The following MMP20 variants were observed in gnomAD, a reference collection of about 807,000 sequenced individuals.
MMP20 encodes the protein matrix metallopeptidase 20.
In MMP20, 50 loss-of-function variants were observed where a neutral mutation model predicts 51.8. The observed-to-expected ratio is 0.97, with a 90% CI of 0.77 to 1.22. MMP20 has a LOEUF of 1.22. MMP20 is among the 50% of genes most tolerant of loss of function. The pLI is 0.00. For missense variants in MMP20, 663 were observed against 601.4 expected (o/e 1.10, Z -1.07); for synonymous variants, 244 against 216.2 (o/e 1.13, Z -1.13).
At chr11:102,589,979 G>C (rs554982629) in intron 8 of MMP20, among the ~76,000 whole-genome samples, 1 of 152,134 alleles carries the variant, frequency 6.6e-6, no homozygotes, top group Admixed American at 6.6e-5. Flanking sequence ...ATGATGCCCC[G>C]AGTCTGACTG....
rs181012282 is a variant in MMP20, at chr11:102,584,152, T to A, written c.1248-5010A>T. 4.6e-5 allele frequency among the ~76,000 whole-genome samples: 7 copies of A among 152,328 alleles called. No individual in the cohort carries two copies. In the East Asian group the frequency reaches 1.3e-3, roughly 29 times the overall value. ...TCTCTTGGGTATATCCTCAAGAAAG[T>A]GGAATTCTGGGTCAAATGATAATTC... On this transcript the variant is annotated intron_variant, in intron 8 of 9. Transcript: ENST00000260228.
intron 3 of MMP20, among the ~76,000 whole-genome samples, chr11:102,611,357 T>C (rs1232525052): frequency 2.6e-5 from 4 of 152,182 alleles, no homozygotes; most frequent in Non-Finnish European, 5.9e-5. Context: ...GTGGAAGGTA[T>C]TTGCTTCAGT....
intron 6 of MMP20, among the ~76,000 whole-genome samples, chr11:102,597,616 C>G (rs1859397273): frequency 6.6e-6 from 1 of 152,138 alleles, no homozygotes; most frequent in Non-Finnish European, 1.5e-5. Flanking sequence ...CAGCTCAACA[C>G]AACTAAGACT....
At chr11:102,618,195 C>T (rs1218964540) in intron 1 of MMP20, among the ~76,000 whole-genome samples, 1 of 151,880 alleles carries the variant, frequency 6.6e-6, no homozygotes, top group African/African-American at 2.4e-5. Flanking sequence ...CAGATGCAAC[C>T]GTCGATTTTT....
At position 102,609,907 on chromosome 11, in the gene MMP20, T is replaced by C. The variant is rs776229913; in HGVS notation, c.647A>G (p.Asn216Ser). The C allele has an allele frequency of 1.2e-6, 2 of 1,614,028 alleles. No individual in the cohort carries two copies. The highest frequency in any genetic ancestry group is 2.7e-5 in the African/African-American group (2 of 74,900). Reference protein sequence around the residue: ...DNAEKWTMGTNGFNLFTVAAH... With the variant: ...DNAEKWTMGTSGFNLFTVAAH... ...TATGGTGAATTGTGCATATATACCA[T>C]TCGTTCCCATAGTCCACTTCTCAGC... is the stretch of plus-strand genomic sequence containing the variant. Residue 216 changes from asparagine to serine, a missense_variant and splice_region_variant, in exon 4 of 10, where the codon AAT (asparagine) becomes AGT (serine). Asn to Ser is a conservative substitution (Grantham distance 46, BLOSUM62 1). Coordinates refer to ENST00000260228, the MANE Select transcript of MMP20 (RefSeq NM_004771.4).
At chr11:102,577,633 C>T (rs1360256840) in intron 9 of MMP20, among the ~76,000 whole-genome samples, 7 of 152,138 alleles carry the variant, frequency 4.6e-5, no homozygotes, top group African/African-American at 7.2e-5. Flanking sequence ...TTGTTCCAGC[C>T]GGGGTAAGGC....
intron 4 of MMP20, 96 bp from the exon 5 acceptor site, chr11:102,609,194 T>A: frequency 9.2e-7 from 1 of 1,086,290 alleles, no homozygotes; most frequent in Non-Finnish European, 1.4e-6. Context: ...ACATTACAGT[T>A]AACCCATCTC....
In MMP20 at chr11:102,617,039, G is replaced by A; in HGVS notation, c.147C>T (p.Tyr49=). 5 of 1,614,134 alleles carry A rather than the reference G, an allele frequency of 3.1e-6. No homozygotes were observed. The highest frequency in any genetic ancestry group is 4.2e-6 in the Non-Finnish European group (5 of 1,180,018). The change falls in exon 2 of 10, where the codon TAC becomes TAT. Residue 49 remains tyrosine (Y), a synonymous_variant. Coordinates refer to ENST00000260228, the MANE Select transcript of MMP20 (RefSeq NM_004771.4). The part of the protein sequence containing the change: ...RLAQAYLDKY[Y]TNKEGHQIGE... ...CAATCTGGTGTCCTTCTTTATTTGT[G>A]TAATATTTGTCAAGATACGCCTGAA...
intron 8 of MMP20, among the ~76,000 whole-genome samples, chr11:102,592,567 G>A (rs17098688): frequency 1.1e-4 from 16 of 152,262 alleles, no homozygotes; most frequent in African/African-American, 2.9e-4. Flanking sequence ...TTTAAAATAC[G>A]TGATAGAAAA....
At chr11:102,577,485 A>C in intron 9 of MMP20, 59 bp from the exon 10 acceptor site, 1 of 1,189,338 alleles carries the variant, frequency 8.4e-7, no homozygotes, top group Non-Finnish European at 1.2e-6. Context: ...ATATAAATGG[A>C]AGAATTTGTC....
At chr11:102,594,781 A>G (rs765420373) in intron 6 of MMP20, 24 bp from the exon 7 acceptor site, 5 of 1,610,734 alleles carry the variant, frequency 3.1e-6, no homozygotes, top group East Asian at 2.2e-5. Flanking sequence ...CAAAAAAAAA[A>G]AAAAAAAAAA....
intron 8 of MMP20, among the ~76,000 whole-genome samples, chr11:102,589,452 A>G (rs1164363531): frequency 2.0e-5 from 3 of 152,084 alleles, no homozygotes; most frequent in Non-Finnish European, 4.4e-5. Context: ...CTATATATTT[A>G]CCCTCAACTG....
chr11:102,578,470 A>G (rs547801309), intron 9 of MMP20, among the ~76,000 whole-genome samples: 6 of 152,300 alleles, frequency 3.9e-5, no homozygotes, highest in African/African-American at 1.4e-4. Flanking sequence ...AGAAAAGGTA[A>G]TCTTGACCCC....
chr11:102,594,146 A>C (rs1272014559), intron 7 of MMP20, among the ~76,000 whole-genome samples: 1 of 152,214 alleles, frequency 6.6e-6, no homozygotes, highest in Non-Finnish European at 1.5e-5. Context: ...AAGTCACTCA[A>C]ATAGTAAAGG....
intron 8 of MMP20, chr11:102,583,552 G>T (rs1859220164): frequency 6.6e-6 from 1 of 152,180 alleles, no homozygotes; most frequent in African/African-American, 2.4e-5. Context: ...ATACCATATA[G>T]CCTAAGTGGG....
chr11:102,614,803 GA>G (rs34970756), intron 2 of MMP20, among the ~76,000 whole-genome samples: 111,481 of 149,140 alleles, frequency 0.75, 41,709 homozygotes, highest in East Asian at 0.92. Context: ...TCTACAAGGA[GA>G]AAAAAAAAAA....
At chr11:102,612,275 G>T (rs1217164968) in intron 2 of MMP20, among the ~76,000 whole-genome samples, 1 of 152,146 alleles carries the variant, frequency 6.6e-6, no homozygotes, top group Non-Finnish European at 1.5e-5. Flanking sequence ...GATCAGCCTA[G>T]CCAAGATGGT....
chr11:102,588,744 AG>A (rs1346375173), intron 8 of MMP20, among the ~76,000 whole-genome samples: 1 of 151,424 alleles, frequency 6.6e-6, no homozygotes, highest in Non-Finnish European at 1.5e-5. Flanking sequence ...TTCAGCCTAA[AG>A]AACTTTCTTT....
At chr11:102,578,953 G>T in intron 9 of MMP20, 86 bp downstream of exon 9, 3 of 1,003,592 alleles carry the variant, frequency 3.0e-6, no homozygotes, top group Non-Finnish European at 3.2e-6. Flanking sequence ...ACTCCCACTT[G>T]GAAATCCACT....
Sources: allele counts gnomAD v4.1 joint callset (sites outside exome capture counted in the v4.1 genomes callset), GRCh38; gene constraint gnomAD v4.1.1; transcripts MANE v1.5; gene names NCBI Gene and HGNC (gene_info 2026-07-23, HGNC 2026-07-21).